POLR1B: variants seen among roughly 807,000 people sequenced by gnomAD.
POLR1B encodes RNA polymerase I subunit B.
In POLR1B, 30 loss-of-function variants were observed where a neutral mutation model predicts 105.8. The observed-to-expected ratio is 0.28, with a 90% CI of 0.21 to 0.38. POLR1B has a LOEUF of 0.38. Ranked by LOEUF, POLR1B falls within the 10% of genes least tolerant of loss-of-function variation. POLR1B has a pLI of 1.00. For synonymous variants in POLR1B, 485 were observed against 505.1 expected (o/e 0.96, Z 0.53); for missense variants, 976 against 1,435.8 (o/e 0.68, Z 5.17).
chr2:112,555,329 A>G (rs1683602230), intron 7 of POLR1B, among the ~76,000 whole-genome samples: 1 of 151,734 alleles, frequency 6.6e-6, no homozygotes, highest in Non-Finnish European at 1.5e-5. Context: ...AAAGAGCAAG[A>G]CCTTATCTCA....
At chr2:112,566,469 CTA>C (rs1684278666) in intron 10 of POLR1B, among the ~76,000 whole-genome samples, 1 of 152,102 alleles carries the variant, frequency 6.6e-6, no homozygotes, top group African/African-American at 2.4e-5. Context: ...AGCATTTTTT[CTA>C]TGTTTATTAG....
chr2:112,560,284 C>T (rs55924158), intron 9 of POLR1B, among the ~76,000 whole-genome samples: 6,131 of 152,044 alleles, frequency 0.04, 346 homozygotes, highest in African/African-American at 0.12. Context: ...CCAAAGCATT[C>T]GAAATAGACT....
Position 112,568,819 on chromosome 2 carries a change from A to G in POLR1B, c.1991A>G (p.His664Arg), listed in dbSNP as rs539763896. Residue 664 changes from histidine to arginine, a missense_variant, in exon 12 of 15, where the codon CAC becomes CGC. By Grantham distance (29) the His-to-Arg change is conservative. This residue lies in a region of POLR1B where 184 missense variants were observed against 197.4 expected (regional missense o/e 0.93). Transcript: ENST00000263331. ...GVTTHQELFP[H>R]SLLSVIANFI... ...ACCACACACCAGGAACTCTTTCCAC[A>G]CAGCCTGCTGAGTGTGATTGCCAAC... 5 of 1,614,126 alleles carry G rather than the reference A, an allele frequency of 3.1e-6. No individual in the cohort carries two copies. The African/African-American group carries it at 5.3e-5, about 17-fold the overall frequency.
chr2:112,566,120 C>T (rs1684260775), intron 10 of POLR1B, among the ~76,000 whole-genome samples: 1 of 152,126 alleles, frequency 6.6e-6, no homozygotes, highest in Non-Finnish European at 1.5e-5. Flanking sequence ...TCCCGAAGTG[C>T]TGGGAATCAC....
At chr2:112,546,288 T>A (rs934647463) in intron 1 of POLR1B, among the ~76,000 whole-genome samples, 2 of 152,194 alleles carry the variant, frequency 1.3e-5, no homozygotes, top group Non-Finnish European at 2.9e-5. Context: ...ACATTAAGCA[T>A]CTAGTCTTAA....
Position 112,542,531 on chromosome 2 carries a change from G to A in POLR1B, c.37G>A (p.Gly13Arg), listed in dbSNP as rs767562766. The A allele has an allele frequency of 1.2e-6, 2 of 1,614,098 alleles. No individual in the cohort carries two copies. Among genetic ancestry groups the A allele is most frequent in the South Asian group, 1.1e-5 (1 of 91,076 alleles). Residue 13 changes from glycine (G) to arginine (R), a missense_variant, in exon 1 of 15, where the codon GGG becomes AGG. Transcript: ENST00000263331. ...PGSRWRNLPS[G>R]PSLKHLTDPS... The stretch of plus-strand genomic sequence containing the variant: ...CAGCCGGTGGCGGAACCTGCCCAGC[G>A]GGCCTAGCCTAAAGCACTTGACTGA...
intron 6 of POLR1B, 68 bp from the exon 7 acceptor site, chr2:112,552,577 T>G (rs1305312963): frequency 1.4e-6 from 2 of 1,406,794 alleles, no homozygotes. Flanking sequence ...GGGATCTTGG[T>G]TAATAGAATA....
At chr2:112,556,284 A>G (rs1016460378) in intron 7 of POLR1B, among the ~76,000 whole-genome samples, 12 of 152,246 alleles carry the variant, frequency 7.9e-5, no homozygotes, top group Non-Finnish European at 1.6e-4. Flanking sequence ...TTGTTGGGTG[A>G]GCTAACAGCT....
intron 10 of POLR1B, among the ~76,000 whole-genome samples, chr2:112,564,934 G>A (rs72946401): frequency 0.028 from 4,259 of 152,228 alleles, 209 homozygotes; most frequent in African/African-American, 0.097. Context: ...TTACCTTTGG[G>A]ATTTCCTCCT....
At chr2:112,542,208 G>A, upstream of POLR1B, 13 of 1,535,704 alleles carry the variant, frequency 8.5e-6, no homozygotes, top group Non-Finnish European at 1.1e-5. Flanking sequence ...TCCACCTGCG[G>A]CATCTTTCGC....
chr2:112,553,693 A>G (rs1034986145), intron 7 of POLR1B: 1 of 152,162 alleles, frequency 6.6e-6, no homozygotes, highest in African/African-American at 2.4e-5. Flanking sequence ...TTAACAAGGT[A>G]TGTTAAATAA....
chr2:112,542,644 G>T lies in POLR1B; in HGVS notation c.150G>T (p.Val50=). 1 of 1,613,902 alleles carries T rather than the reference G, an allele frequency of 6.2e-7. No homozygotes were observed. Among genetic ancestry groups the T allele is most frequent in the Non-Finnish European group, 8.5e-7 (1 of 1,179,974 alleles). Reference sequence around the variant, plus strand: ...ACGTGGAGTCCTTCAACTACGCTGTGCACGAGGGTCTCGGCCTCGCGGTGC... The same window carrying T: ...ACGTGGAGTCCTTCAACTACGCTGTTCACGAGGGTCTCGGCCTCGCGGTGC... The part of the protein sequence containing the change: ...RAHVESFNYA[V]HEGLGLAVQA... The change falls in exon 1 of 15, where the codon GTG becomes GTT. Residue 50 remains valine (V), a synonymous_variant. Transcript: ENST00000263331.
intron 10 of POLR1B, among the ~76,000 whole-genome samples, chr2:112,566,735 C>CTTT (rs35459414): frequency 7.0e-6 from 1 of 142,378 alleles, no homozygotes; most frequent in Non-Finnish European, 1.5e-5. Flanking sequence ...AATCATTCCT[C>CTTT]TTTTTTTTTT....
chr2:112,569,932 A>C (rs1684507127), intron 12 of POLR1B, among the ~76,000 whole-genome samples: 1 of 151,372 alleles, frequency 6.6e-6, no homozygotes, highest in Non-Finnish European at 1.5e-5. Flanking sequence ...CATTGCTCCT[A>C]TCCTTTTCTC....
intron 11 of POLR1B, 129 bp downstream of exon 11, chr2:112,568,266 G>A: frequency 3.1e-6 from 3 of 956,346 alleles, no homozygotes; most frequent in Middle Eastern, 2.9e-4. Context: ...TTGAAAGAAA[G>A]TCAGACTTTC....
rs961097291 is a variant in POLR1B at position 112,542,522 on chromosome 2, C to A, written c.28C>A (p.Leu10Met). The A allele has an allele frequency of 6.2e-7, 1 of 1,613,946 alleles. No individual in the cohort carries two copies. Among genetic ancestry groups the A allele is most frequent in the African/African-American group, 1.3e-5 (1 of 74,944 alleles). Residue 10 changes from leucine to methionine, a missense_variant, in exon 1 of 15, where the codon CTG (leucine) becomes ATG (methionine). Physicochemically the swap from Leu to Met is conservative, Grantham distance 15. Transcript: ENST00000263331. MDPGSRWRN[L>M]PSGPSLKHLT... ...GGATCCTGGCAGCCGGTGGCGGAAC[C>A]TGCCCAGCGGGCCTAGCCTAAAGCA...
At chr2:112,555,712 A>G (rs978163787) in intron 7 of POLR1B, among the ~76,000 whole-genome samples, 2 of 152,242 alleles carry the variant, frequency 1.3e-5, no homozygotes, top group Admixed American at 1.3e-4. Context: ...TGTGTCAGCA[A>G]CAAGAGAAAC....
chr2:112,557,666 T>C (rs1412067604), intron 7 of POLR1B, among the ~76,000 whole-genome samples: 1 of 152,184 alleles, frequency 6.6e-6, no homozygotes, highest in Admixed American at 6.5e-5. Context: ...AGCCTTAGGC[T>C]CCTGGACTCA....
At position 112,575,410 on chromosome 2, in the gene POLR1B, A is replaced by G; in HGVS notation, c.3089A>G (p.Asn1030Ser). The change falls in exon 15 of 15, where the codon AAT becomes AGT. Residue 1030 changes from asparagine to serine, a missense_variant. Coordinates refer to ENST00000263331, the MANE Select transcript of POLR1B (RefSeq NM_019014.6). This position sits in a 1 kb window ranked among gnomAD's most constrained non-coding sequence, Gnocchi z 5.3. ...ACCAACCAGCCTATTGGGGGAAGAA[A>G]TGTCCAGGGTGGAATCCGTTTTGGG... ...RVTNQPIGGR[N>S]VQGGIRFGEM... The G allele has an allele frequency of 6.2e-7, 1 of 1,614,164 alleles. No homozygotes were observed. The highest frequency in any genetic ancestry group is 8.5e-7 in the Non-Finnish European group (1 of 1,180,030).
Sources: allele counts gnomAD v4.1 joint callset (sites outside exome capture counted in the v4.1 genomes callset), GRCh38; gene constraint gnomAD v4.1.1; regional missense constraint gnomAD v4.1.1; non-coding constraint Gnocchi (gnomAD v3.1); transcripts MANE v1.5; gene names NCBI Gene and HGNC (gene_info 2026-07-23, HGNC 2026-07-21).